Variants in CDKL4 observed in about 807,000 individuals in gnomAD.
CDKL4 encodes the protein cyclin dependent kinase like 4, also known as cyclin-dependent kinase-like 4.
A neutral mutation model predicts 42.0 loss-of-function variants in CDKL4; 44 were observed. That is an observed-to-expected ratio of 1.05 (90% CI 0.82 to 1.35). The LOEUF (loss-of-function observed/expected upper bound fraction) is 1.35, where lower values mean the gene tolerates loss of function less well. Among genes scored for constraint, CDKL4 ranks in the 40% most tolerant of loss-of-function variants. The probability of loss-of-function intolerance (pLI) is 0.00; values close to 1 mark genes in which losing one functional copy is unlikely to be tolerated. For missense variants in CDKL4, 393 were observed against 369.9 expected (o/e 1.06, Z -0.51); for synonymous variants, 120 against 121.6 (o/e 0.99, Z 0.09).
intron 1 of CDKL4, among the ~76,000 whole-genome samples, chr2:39,243,667 G>A (rs895410941): frequency 6.6e-6 from 1 of 152,214 alleles, no homozygotes; most frequent in African/African-American, 2.4e-5. Flanking sequence ...CCGCCCCGAG[G>A]GACCCTCACC....
chr2:39,223,558 A>G (rs543815600), intron 3 of CDKL4, among the ~76,000 whole-genome samples: 1 of 145,920 alleles, frequency 6.9e-6, no homozygotes, highest in East Asian at 2.0e-4. Flanking sequence ...ATGTTTTCTT[A>G]GATGTACTGG....
intron 7 of CDKL4, among the ~76,000 whole-genome samples, chr2:39,185,309 TATATATAC>T (rs1319625919): frequency 1.1e-3 from 23 of 21,818 alleles, no homozygotes; most frequent in East Asian, 3.7e-3. Context: ...TACACATATG[TATATATAC>T]ATATATATAC....
chr2:39,235,302 G>A (rs1471772832), intron 1 of CDKL4, among the ~76,000 whole-genome samples: 2 of 152,104 alleles, frequency 1.3e-5, no homozygotes, highest in African/African-American at 4.8e-5. Flanking sequence ...GATTTATGGT[G>A]AGCATTTAAT....
chr2:39,212,541 T>C (rs1395769875), intron 4 of CDKL4, among the ~76,000 whole-genome samples: 1 of 151,368 alleles, frequency 6.6e-6, no homozygotes, highest in Non-Finnish European at 1.5e-5. Flanking sequence ...CCGGAAACGG[T>C]TTTTAAAAAG....
intron 9 of CDKL4, among the ~76,000 whole-genome samples, chr2:39,177,098 T>C (rs1028362191): frequency 6.6e-6 from 1 of 152,214 alleles, no homozygotes; most frequent in African/African-American, 2.4e-5. Context: ...TGAGATTCTC[T>C]AGGTGCATGC....
At chr2:39,172,701 C>A (rs1186611253), downstream of CDKL4, among the ~76,000 whole-genome samples, 1 of 152,182 alleles carries the variant, frequency 6.6e-6, no homozygotes, top group Non-Finnish European at 1.5e-5. Flanking sequence ...CCTGCCTCAG[C>A]CTCCTGAGTA....
chr2:39,233,735 A>T (rs911408254), intron 1 of CDKL4, among the ~76,000 whole-genome samples: 5 of 151,580 alleles, frequency 3.3e-5, no homozygotes, highest in Admixed American at 2.6e-4. Flanking sequence ...ACAAAAAAAA[A>T]CACACAAAAT....
the CDKL4 span, among the ~76,000 whole-genome samples, chr2:39,168,498 G>A: frequency 1.3e-5 from 2 of 152,134 alleles, no homozygotes; most frequent in Admixed American, 6.5e-5. Flanking sequence ...CACTTTGGGA[G>A]GCTGAGGCGG....
rs757353052 is a variant in CDKL4 at position 39,225,960 on chromosome 2, G to A, written c.169C>T (p.Gln57Ter). Residue 57 changes from glutamine (Q) to a stop codon, truncating the protein, a stop_gained and splice_region_variant, in exon 3 of 10, where the codon CAA becomes TAA. Transcript: ENST00000451199. LOFTEE classifies it high-confidence loss of function. ...TTCACAAGATTTGGATGTTTTAATT[G>A]CTGTGAAAGAATTGAAATGCAAAGT... 3 of 1,606,706 alleles carry A rather than the reference G, an allele frequency of 1.9e-6. No homozygotes were observed. Among genetic ancestry groups the A allele is most frequent in the Non-Finnish European group, 2.5e-6 (3 of 1,177,400 alleles).
intron 5 of CDKL4, among the ~76,000 whole-genome samples, chr2:39,203,167 G>A (rs1558561191): frequency 6.6e-6 from 1 of 152,084 alleles, no homozygotes; most frequent in Non-Finnish European, 1.5e-5. Context: ...TAGGAAAGCT[G>A]ACTTGCATAT....
chr2:39,178,122 A>C (rs1675247183), intron 9 of CDKL4, among the ~76,000 whole-genome samples: 1 of 152,198 alleles, frequency 6.6e-6, no homozygotes, highest in African/African-American at 2.4e-5. Context: ...CAAACATTTA[A>C]TAGCAAAAGG....
intron 6 of CDKL4, among the ~76,000 whole-genome samples, chr2:39,188,207 C>T (rs2148297700): frequency 6.6e-6 from 1 of 152,266 alleles, no homozygotes; most frequent in African/African-American, 2.4e-5. Flanking sequence ...CATGCCTTCT[C>T]AGGTAAGGCC....
chr2:39,219,404 C>CTTATTTATTTATTTATTTAT, intron 3 of CDKL4, among the ~76,000 whole-genome samples: 1 of 148,520 alleles, frequency 6.7e-6, no homozygotes, highest in East Asian at 2.0e-4. Flanking sequence ...GAAACAGGTA[C>CTTATTTATTTATTTATTTAT]TTATTTATTT....
At chr2:39,169,100 C>G in the CDKL4 span, among the ~76,000 whole-genome samples, 1 of 152,272 alleles carries the variant, frequency 6.6e-6, no homozygotes, top group South Asian at 2.1e-4. Flanking sequence ...TCAGATATAT[C>G]TGTAAAATTT....
rs183723391 is a variant in CDKL4, at chr2:39,243,449, T to G, written c.-57+422A>C. On this transcript the variant is annotated intron_variant, in intron 1 of 9. Transcript: ENST00000451199. ...CAGAATACCACATAATTATACAAAATCCGATAAAGTAATTTTGTTTAAATA... is the reference window on the plus strand; with the variant it reads ...CAGAATACCACATAATTATACAAAAGCCGATAAAGTAATTTTGTTTAAATA... 3.5e-3 allele frequency among the ~76,000 whole-genome samples: 529 copies of G among 152,306 alleles called. 1 individual carries two copies. The highest frequency in any genetic ancestry group is 6.0e-3 in the Non-Finnish European group (405 of 68,022).
intron 4 of CDKL4, among the ~76,000 whole-genome samples, chr2:39,208,081 G>A (rs1172103278): frequency 1.3e-5 from 2 of 151,956 alleles, no homozygotes; most frequent in African/African-American, 2.4e-5. Flanking sequence ...CAGCCTGGGC[G>A]ACAGAGGAAG....
At chr2:39,218,587 A>G (rs528200011) in intron 3 of CDKL4, among the ~76,000 whole-genome samples, 13 of 152,324 alleles carry the variant, frequency 8.5e-5, no homozygotes, top group Admixed American at 3.9e-4. Context: ...TAGACCGCGT[A>G]AAGAAGACCC....
intron 5 of CDKL4, among the ~76,000 whole-genome samples, chr2:39,196,813 G>A (rs1181720973): frequency 1.3e-5 from 2 of 152,154 alleles, no homozygotes; most frequent in Non-Finnish European, 2.9e-5. Flanking sequence ...TAGCCATGTT[G>A]GCCAGGCTGG....
chr2:39,178,356 A>C (rs1286537408), intron 9 of CDKL4, among the ~76,000 whole-genome samples: 1 of 152,226 alleles, frequency 6.6e-6, no homozygotes, highest in Admixed American at 6.5e-5. Context: ...GATTAAGCAA[A>C]CGCAAACTGT....
Sources: allele counts gnomAD v4.1 joint callset (sites outside exome capture counted in the v4.1 genomes callset), GRCh38; gene constraint gnomAD v4.1.1; transcripts MANE v1.5; gene names NCBI Gene and HGNC (gene_info 2026-07-23, HGNC 2026-07-21).